The following KLF12 variants were observed in gnomAD, a reference collection of about 807,000 sequenced individuals.
The protein encoded by KLF12 is KLF transcription factor 12.
KLF12 carries 9 observed loss-of-function variants against 37.8 expected under a neutral mutation model. The ratio of observed to expected loss-of-function variants is 0.24; its 90% CI spans 0.14 to 0.42. The LOEUF is 0.42. Among genes scored for constraint, KLF12 ranks in the 10% least tolerant of loss-of-function variants. KLF12 has a pLI of 1.00. For missense variants in KLF12, 411 were observed against 516.0 expected (o/e 0.80, Z 1.97); for synonymous variants, 208 against 202.1 (o/e 1.03, Z -0.25).
chr13:74,286,876 A>G, the KLF12 span, among the ~76,000 whole-genome samples: 1 of 152,144 alleles, frequency 6.6e-6, no homozygotes, highest in Non-Finnish European at 1.5e-5. Flanking sequence ...GGTTTTTGGA[A>G]TGGGGACTCA....
chr13:73,843,669 T>A (rs1884866983), intron 4 of KLF12, among the ~76,000 whole-genome samples: 2 of 152,174 alleles, frequency 1.3e-5, no homozygotes, highest in Admixed American at 1.3e-4. Context: ...TTATCCCTAT[T>A]TTATCACTAA....
chr13:74,301,560 A>C, the KLF12 span, among the ~76,000 whole-genome samples: 1 of 152,218 alleles, frequency 6.6e-6, no homozygotes, highest in Non-Finnish European at 1.5e-5. Flanking sequence ...ATTCCCTGCA[A>C]GATCTAGCCA....
At chr13:74,083,456 G>T (rs968922923) in intron 1 of KLF12, among the ~76,000 whole-genome samples, 124 of 150,968 alleles carry the variant, frequency 8.2e-4, no homozygotes, top group African/African-American at 2.9e-3. Context: ...GCACTGAACC[G>T]TGATTGTGCC....
the KLF12 span, among the ~76,000 whole-genome samples, chr13:74,294,293 A>G: frequency 2.6e-5 from 4 of 152,180 alleles, no homozygotes; most frequent in African/African-American, 7.2e-5. Flanking sequence ...AATCATGTAC[A>G]TCGGACCCAT....
At chr13:73,715,685 G>A (rs973555657) in intron 6 of KLF12, among the ~76,000 whole-genome samples, 160 bp from the exon 7 acceptor site, 1 of 152,102 alleles carries the variant, frequency 6.6e-6, no homozygotes, top group Admixed American at 6.5e-5. Flanking sequence ...CTCACTTTTC[G>A]AAACCTGAAA....
the KLF12 span, among the ~76,000 whole-genome samples, chr13:74,294,086 G>C: frequency 6.6e-6 from 1 of 152,214 alleles, no homozygotes; most frequent in South Asian, 2.1e-4. Context: ...CCAGAATGCC[G>C]GGAGTAGGGC....
intron 2 of KLF12, among the ~76,000 whole-genome samples, chr13:73,981,121 C>G (rs1891678853): frequency 6.6e-6 from 1 of 152,160 alleles, no homozygotes; most frequent in Non-Finnish European, 1.5e-5. Context: ...GTTTGTGTCA[C>G]TGCACTCCAG....
rs535151760 is a variant in KLF12, at chr13:73,967,323, C to G, written c.34-23253G>C. On this transcript the variant is annotated intron_variant, in intron 2 of 7. Transcript: ENST00000377669. ...CACAGAAATGCCAAGGTGAAGGAGC[C>G]TGCCAAGGCTGGAATACACGGTCAC... Among the ~76,000 whole-genome samples the G allele has an allele frequency of 1.8e-4, 27 of 152,296 alleles. 1 individual carries two copies. In the South Asian group the frequency reaches 5.6e-3, roughly 32 times the overall value.
chr13:73,807,224 G>A (rs894636250), intron 5 of KLF12, among the ~76,000 whole-genome samples: 1 of 151,800 alleles, frequency 6.6e-6, no homozygotes, highest in African/African-American at 2.4e-5. Flanking sequence ...CAGGAGAATC[G>A]CTTGAACCCA....
the KLF12 span, among the ~76,000 whole-genome samples, chr13:74,227,028 G>A: frequency 5.3e-5 from 8 of 152,202 alleles, no homozygotes; most frequent in South Asian, 4.1e-4. Flanking sequence ...CACTGGTTTC[G>A]TCATGTTTCT....
At chr13:74,001,436 C>T (rs1434808510) in intron 1 of KLF12, among the ~76,000 whole-genome samples, 2 of 152,362 alleles carry the variant, frequency 1.3e-5, no homozygotes, top group Admixed American at 6.5e-5. Context: ...TCTACTACTT[C>T]ACTTCAACAG....
rs377352391 is a variant in KLF12 at position 73,770,503 on chromosome 13, T to C, written c.807-5503A>G. ...TAGAAAAGTGGGCTGAACTTAAATA[T>C]TATATACAATTAATATGTGAACTTT... is the stretch of plus-strand genomic sequence containing the variant. On this transcript the variant is annotated intron_variant, in intron 5 of 7. Coordinates refer to ENST00000377669, the MANE Select transcript of KLF12 (RefSeq NM_007249.5). 1.6e-4 allele frequency among the ~76,000 whole-genome samples: 24 copies of C among 151,472 alleles called. No individual in the cohort carries two copies. The East Asian group carries it at 2.5e-3, about 16-fold the overall frequency.
At chr13:73,744,581 T>TG (rs1566336464) in intron 6 of KLF12, among the ~76,000 whole-genome samples, 2 of 143,774 alleles carry the variant, frequency 1.4e-5, no homozygotes, top group Non-Finnish European at 1.5e-5. Context: ...TGGGGGGTTG[T>TG]GGGGGGTGGC....
chr13:74,064,734 T>C (rs1391349403), intron 1 of KLF12, among the ~76,000 whole-genome samples: 2 of 152,210 alleles, frequency 1.3e-5, no homozygotes, highest in Non-Finnish European at 2.9e-5. Context: ...TTTGTGATGC[T>C]GACTGTACTA....
chr13:73,863,817 C>A (rs1040898753), intron 3 of KLF12, among the ~76,000 whole-genome samples: 1 of 152,040 alleles, frequency 6.6e-6, no homozygotes, highest in Non-Finnish European at 1.5e-5. Flanking sequence ...AATAGCACCC[C>A]GCCAGGAGGG....
chr13:73,740,055 C>T (rs1001472299), intron 6 of KLF12, among the ~76,000 whole-genome samples: 1 of 152,134 alleles, frequency 6.6e-6, no homozygotes, highest in Non-Finnish European at 1.5e-5. Flanking sequence ...AAATTTCATA[C>T]ATTGAAACTG....
At chr13:74,080,837 AG>A (rs1299449033) in intron 1 of KLF12, among the ~76,000 whole-genome samples, 6 of 152,226 alleles carry the variant, frequency 3.9e-5, no homozygotes, top group Non-Finnish European at 8.8e-5. Flanking sequence ...TAAAAAAGGT[AG>A]GGTGTGGATT....
chr13:73,997,840 T>C (rs986400036), intron 1 of KLF12, among the ~76,000 whole-genome samples: 8 of 152,184 alleles, frequency 5.3e-5, no homozygotes, highest in Non-Finnish European at 1.0e-4. Flanking sequence ...TATTTCAATA[T>C]GAAAAACATG....
intron 2 of KLF12, among the ~76,000 whole-genome samples, chr13:73,977,607 T>C (rs1348053066): frequency 6.6e-6 from 1 of 152,222 alleles, no homozygotes; most frequent in Non-Finnish European, 1.5e-5. Flanking sequence ...TTTTGTAATA[T>C]TGACAAATTA....
Sources: gnomAD v4.1 joint callset for allele counts (sites outside exome capture counted in the v4.1 genomes callset) on GRCh38, gnomAD v4.1.1 for gene constraint, MANE v1.5 for transcripts, NCBI Gene and HGNC (gene_info 2026-07-23, HGNC 2026-07-21) for gene names.